Variants in FER1L6 observed in about 807,000 individuals in gnomAD.
FER1L6 encodes fer-1 like family member 6.
Under a neutral mutation model 219.2 loss-of-function variants are expected in FER1L6, and 177 were observed. The ratio of observed to expected loss-of-function variants is 0.81; its 90% CI spans 0.71 to 0.91. FER1L6 has a LOEUF of 0.91. Ranked by LOEUF, FER1L6 falls within the 40% of genes least tolerant of loss-of-function variation. The pLI, the probability that FER1L6 is intolerant of heterozygous loss-of-function variation, is 0.00. For synonymous variants in FER1L6, 768 were observed against 824.3 expected, an observed-to-expected ratio of 0.93 and a Z score of 1.17; for missense variants, 2,153 against 2,259.9, an observed-to-expected ratio of 0.95 and a Z score of 0.96.
chr8:123,935,523 A>G (rs1176045963), intron 1 of FER1L6, among the ~76,000 whole-genome samples: 1 of 152,182 alleles, frequency 6.6e-6, no homozygotes, highest in African/African-American at 2.4e-5. Context: ...CAAAAACAGC[A>G]GGTTTTTGAC....
At chr8:123,897,226 C>A (rs1266110085) in intron 1 of FER1L6, among the ~76,000 whole-genome samples, 1 of 152,150 alleles carries the variant, frequency 6.6e-6, no homozygotes, top group Non-Finnish European at 1.5e-5. Context: ...TTGCCCTTAT[C>A]CCCTCTGGAT....
intron 14 of FER1L6, among the ~76,000 whole-genome samples, chr8:124,012,479 T>G (rs1238897649): frequency 2.0e-5 from 3 of 152,274 alleles, no homozygotes; most frequent in Non-Finnish European, 2.9e-5. Flanking sequence ...ATCCCTGCCA[T>G]GCTTGGCATA....
chr8:124,117,819 C>A (rs566679488), intron 39 of FER1L6, among the ~76,000 whole-genome samples: 6 of 152,258 alleles, frequency 3.9e-5, no homozygotes, highest in Admixed American at 2.0e-4. Context: ...TAAGTTAACA[C>A]AAGACCACTG....
chr8:123,976,935 C>A (rs1322201219), intron 9 of FER1L6, among the ~76,000 whole-genome samples: 2 of 152,224 alleles, frequency 1.3e-5, no homozygotes, highest in African/African-American at 4.8e-5. Flanking sequence ...CATGTTATCT[C>A]TGCCATTAAA....
intron 1 of FER1L6, among the ~76,000 whole-genome samples, chr8:123,881,002 T>C (rs1817099279): frequency 6.6e-6 from 1 of 152,156 alleles, no homozygotes; most frequent in African/African-American, 2.4e-5. Context: ...CCCTTCCCCT[T>C]GGGAAAGATC....
At chr8:123,857,208 A>C (rs1279676370) in intron 1 of FER1L6, among the ~76,000 whole-genome samples, 1 of 152,160 alleles carries the variant, frequency 6.6e-6, no homozygotes, top group Non-Finnish European at 1.5e-5. Context: ...TTTATATTTA[A>C]TTATTAAAAA....
At position 124,005,748 on chromosome 8, in the gene FER1L6, G is replaced by A. The variant is rs188156202; in HGVS notation, c.1700+2401G>A. On this transcript the variant is annotated intron_variant, in intron 13 of 40. Coordinates refer to ENST00000522917, the MANE Select transcript of FER1L6 (RefSeq NM_001039112.2). Reference sequence around the variant, plus strand: ...ACTGGATTGGGTACAGAGTACTATGGGAACAGAGTCAGGTGAGTAATCCCA... The same window carrying A: ...ACTGGATTGGGTACAGAGTACTATGAGAACAGAGTCAGGTGAGTAATCCCA... Among the ~76,000 whole-genome samples, 5 of 152,330 alleles carry A rather than the reference G, an allele frequency of 3.3e-5. No individual in the cohort carries two copies. The East Asian group carries it at 9.6e-4, about 29-fold the overall frequency.
At chr8:124,109,552 C>T (rs1432371591) in intron 39 of FER1L6, among the ~76,000 whole-genome samples, 1 of 152,190 alleles carries the variant, frequency 6.6e-6, no homozygotes, top group Non-Finnish European at 1.5e-5. Flanking sequence ...ACCGAGGACT[C>T]CCATACCCTT....
chr8:123,872,271 A>C (rs981585955), intron 1 of FER1L6, among the ~76,000 whole-genome samples: 1 of 152,228 alleles, frequency 6.6e-6, no homozygotes, highest in Non-Finnish European at 1.5e-5. Flanking sequence ...TTACATTTCA[A>C]CATGAGATTT....
At position 123,889,765 on chromosome 8, in the gene FER1L6, C is replaced by T. The variant is rs1436836212; in HGVS notation, c.-8+37580C>T. On this transcript the variant is annotated intron_variant, in intron 1 of 40. Transcript: ENST00000522917. The stretch of plus-strand genomic sequence containing the variant: ...ATGACAGAAGAAAGGAACCAGGAAG[C>T]AGAGGAGGGAGAGATGTAATGAAAG... Among the ~76,000 whole-genome samples the T allele has an allele frequency of 8.6e-5, 13 of 151,936 alleles. No homozygotes were observed. In the East Asian group the frequency reaches 2.5e-3, roughly 29 times the overall value.
chr8:124,086,904 T>C (rs4483139), intron 33 of FER1L6, among the ~76,000 whole-genome samples: 124,608 of 152,106 alleles, frequency 0.82, 51,603 homozygotes, highest in Non-Finnish European at 0.89. Flanking sequence ...TTTAAATGTG[T>C]CATGCTACTC....
chr8:124,053,996 A>ACACT (rs1470281527), intron 22 of FER1L6, among the ~76,000 whole-genome samples: 1 of 152,134 alleles, frequency 6.6e-6, no homozygotes, highest in Non-Finnish European at 1.5e-5. Flanking sequence ...GTTCTCCCAG[A>ACACT]CACTCCAGCT....
chr8:124,057,277 G>A (rs1820341736), intron 22 of FER1L6, among the ~76,000 whole-genome samples: 2 of 152,144 alleles, frequency 1.3e-5, no homozygotes, highest in South Asian at 4.1e-4. Flanking sequence ...TCAGCTGAAG[G>A]TATTATTCCA....
intron 30 of FER1L6, 49 bp downstream of exon 30, chr8:124,070,647 G>A (rs370343617): frequency 1.9e-5 from 28 of 1,494,762 alleles, no homozygotes; most frequent in Non-Finnish European, 3.6e-6. Context: ...GTCCATAAAT[G>A]TCAGCTATGA....
rs1046703038 is a variant in FER1L6, at chr8:124,014,625, C to T, written c.1922+1094C>T. ...TCTGAGTCTTATTTCTGAGGCCTTG[C>T]AATTTTCAAAGCACTCAGTATTTTG... On this transcript the variant is annotated intron_variant, in intron 15 of 40. Transcript: ENST00000522917. Among the ~76,000 whole-genome samples the T allele has an allele frequency of 3.3e-5, 5 of 152,250 alleles. No homozygotes were observed. In the East Asian group the frequency reaches 9.7e-4, roughly 29 times the overall value.
intron 1 of FER1L6, among the ~76,000 whole-genome samples, chr8:123,930,988 A>T (rs541252981): frequency 4.6e-5 from 7 of 152,010 alleles, no homozygotes; most frequent in African/African-American, 1.7e-4. Context: ...CCTTTCTGCT[A>T]TGGTTTTGAA....
chr8:123,883,039 GT>G (rs1370973313), intron 1 of FER1L6, among the ~76,000 whole-genome samples: 1 of 152,064 alleles, frequency 6.6e-6, no homozygotes, highest in Non-Finnish European at 1.5e-5. Context: ...ACCTAAAACT[GT>G]TCTAAAAAAT....
At chr8:123,961,087 TAA>T (rs1036285440) in intron 2 of FER1L6, among the ~76,000 whole-genome samples, 5 of 151,838 alleles carry the variant, frequency 3.3e-5, no homozygotes, top group African/African-American at 1.2e-4. Context: ...TTTGTCTCTC[TAA>T]AAAAAATATT....
chr8:123,892,569 G>A (rs1812668745), intron 1 of FER1L6, among the ~76,000 whole-genome samples: 1 of 152,192 alleles, frequency 6.6e-6, no homozygotes, highest in Non-Finnish European at 1.5e-5. Flanking sequence ...GGGATTAGAG[G>A]CGTGAGCCAC....
Sources: gnomAD v4.1 joint callset for allele counts (sites outside exome capture counted in the v4.1 genomes callset) on GRCh38, gnomAD v4.1.1 for gene constraint, MANE v1.5 for transcripts, NCBI Gene and HGNC (gene_info 2026-07-23, HGNC 2026-07-21) for gene names.